Variants in ERICH3 observed in about 807,000 individuals in gnomAD.
The protein encoded by ERICH3 is glutamate rich 3, also known as glutamate-rich protein 3.
Under a neutral mutation model 131.1 loss-of-function variants are expected in ERICH3, and 126 were observed. That is an observed-to-expected ratio of 0.96 (90% CI 0.83 to 1.11). The LOEUF (loss-of-function observed/expected upper bound fraction) is 1.11, where lower values mean the gene tolerates loss of function less well. Among genes scored for constraint, ERICH3 ranks in the 50% most tolerant of loss-of-function variants. ERICH3 has a pLI of 0.00. For missense variants in ERICH3, 2,050 were observed against 1,810.7 expected, an observed-to-expected ratio of 1.13 and a Z score of -2.40; for synonymous variants, 695 against 644.6, an observed-to-expected ratio of 1.08 and a Z score of -1.18.
In ERICH3 at chr1:74,571,193, G is replaced by A; in HGVS notation, c.4517C>T (p.Thr1506Ile). 1 of 1,614,068 alleles carries A rather than the reference G, an allele frequency of 6.2e-7. No individual in the cohort carries two copies. The highest frequency in any genetic ancestry group is 8.5e-7 in the Non-Finnish European group (1 of 1,180,004). ...CACCATATGCTGTTGCTTCTCTCGGGTTTCAGTGAAATCAGGCTTCACTGG... is the reference window on the plus strand; with the variant it reads ...CACCATATGCTGTTGCTTCTCTCGGATTTCAGTGAAATCAGGCTTCACTGG... Reference protein sequence around the residue: ...TLPVKPDFTETREKQQHMVQG... With the variant: ...TLPVKPDFTEIREKQQHMVQG... Residue 1506 changes from threonine to isoleucine, a missense_variant, in exon 14 of 15, where the codon ACC (threonine) becomes ATC (isoleucine). Transcript: ENST00000326665.
At chr1:74,646,458 T>A (rs1273544433) in intron 3 of ERICH3, among the ~76,000 whole-genome samples, 2 of 152,098 alleles carry the variant, frequency 1.3e-5, no homozygotes, top group Non-Finnish European at 2.9e-5. Context: ...GGCTCCTGGC[T>A]ACCCAGAGAG....
chr1:74,582,192 T>C (rs778271447), intron 12 of ERICH3, among the ~76,000 whole-genome samples: 1 of 152,168 alleles, frequency 6.6e-6, no homozygotes, highest in Non-Finnish European at 1.5e-5. Context: ...GGCTTTTTAC[T>C]TCCTCACGGC....
intron 1 of ERICH3, among the ~76,000 whole-genome samples, chr1:74,665,539 C>A (rs1287837383): frequency 6.6e-6 from 1 of 152,156 alleles, no homozygotes; most frequent in Non-Finnish European, 1.5e-5. Context: ...AACAAGGCAT[C>A]AGGTAGCTCA....
At chr1:74,657,941 G>C (rs552228170) in intron 1 of ERICH3, among the ~76,000 whole-genome samples, 1 of 152,296 alleles carries the variant, frequency 6.6e-6, no homozygotes, top group African/African-American at 2.4e-5. Context: ...TCAGAGGAAA[G>C]GTGACCAGAA....
chr1:74,647,844 T>C (rs764659280), intron 2 of ERICH3, among the ~76,000 whole-genome samples: 3 of 152,166 alleles, frequency 2.0e-5, no homozygotes, highest in Non-Finnish European at 2.9e-5. Context: ...TGTAAATACA[T>C]TTTCCAATGG....
intron 8 of ERICH3, chr1:74,615,078 A>T (rs1353519032): frequency 6.6e-6 from 1 of 152,188 alleles, no homozygotes; most frequent in African/African-American, 2.4e-5. Context: ...TCGGATGCTC[A>T]TGTAGCTGGA....
At chr1:74,579,484 G>T in intron 12 of ERICH3, 1 of 985,330 alleles carries the variant, frequency 1.0e-6, no homozygotes, top group South Asian at 4.7e-5. Context: ...GCTTGCCCCT[G>T]GAGGATTAGC....
chr1:74,634,401 T>C (rs1303673354), intron 6 of ERICH3, among the ~76,000 whole-genome samples: 2 of 152,248 alleles, frequency 1.3e-5, no homozygotes, highest in Non-Finnish European at 2.9e-5. Context: ...TGTCAGCACA[T>C]GACAGCTACC....
intron 13 of ERICH3, among the ~76,000 whole-genome samples, chr1:74,574,998 A>T (rs536906398): frequency 6.6e-6 from 1 of 151,828 alleles, no homozygotes; most frequent in African/African-American, 2.4e-5. Flanking sequence ...TTAAAAAAAA[A>T]AAAACTTATA....
chr1:74,608,545 G>T (rs192393589), intron 9 of ERICH3, among the ~76,000 whole-genome samples: 1 of 152,000 alleles, frequency 6.6e-6, no homozygotes, highest in South Asian at 2.1e-4. Context: ...CATCTGCAGC[G>T]TAGAAATAGC....
intron 1 of ERICH3, among the ~76,000 whole-genome samples, chr1:74,665,373 A>G (rs1456609174): frequency 6.6e-6 from 1 of 152,172 alleles, no homozygotes; most frequent in Non-Finnish European, 1.5e-5. Context: ...AAATTGACTA[A>G]GACCCCCATG....
chr1:74,606,889 T>G lies in ERICH3; in HGVS notation c.1201A>C (p.Met401Leu), dbSNP rs752395005. The G allele has an allele frequency of 1.1e-5, 18 of 1,611,492 alleles. No individual in the cohort carries two copies. In the East Asian group the frequency reaches 4.0e-4, roughly 36 times the overall value. Residue 401 changes from methionine (M) to leucine (L), a missense_variant, in exon 10 of 15, where the codon ATG becomes CTG. Met to Leu is a conservative substitution (Grantham distance 15, BLOSUM62 2). Coordinates refer to ENST00000326665, the MANE Select transcript of ERICH3 (RefSeq NM_001002912.5). ...AAAGACGGTTTTTTGTCAAGGCCCA[T>G]TGCAATAATGCACCTATGAAAAATA... ...SSPCYKCIIA[M>L]GLDKKPSLPK... is the part of the protein sequence containing the mutation.
At chr1:74,653,816 T>G (rs1159467952) in intron 1 of ERICH3, among the ~76,000 whole-genome samples, 1 of 152,100 alleles carries the variant, frequency 6.6e-6, no homozygotes, top group Non-Finnish European at 1.5e-5. Context: ...CATCTCTCCC[T>G]GTACTACCCA....
intron 1 of ERICH3, among the ~76,000 whole-genome samples, chr1:74,671,538 C>A (rs1193343491): frequency 6.6e-6 from 1 of 152,176 alleles, no homozygotes; most frequent in Non-Finnish European, 1.5e-5. Context: ...CTCTTTATTT[C>A]TCAGCTGGCC....
chr1:74,619,344 A>G (rs535677854), intron 8 of ERICH3, among the ~76,000 whole-genome samples: 1 of 152,350 alleles, frequency 6.6e-6, no homozygotes, highest in Non-Finnish European at 1.5e-5. Flanking sequence ...TTTGTTGAAT[A>G]AAGTGTGATC....
intron 4 of ERICH3, 53 bp downstream of exon 4, chr1:74,642,974 T>G: frequency 7.3e-7 from 1 of 1,365,294 alleles, no homozygotes; most frequent in Non-Finnish European, 1.0e-6. Flanking sequence ...ACTGTTTTTT[T>G]TAAAATCATA....
Position 74,572,361 on chromosome 1 carries a change from CTT to C in ERICH3, c.3347_3348del (p.Lys1116SerfsTer5), listed in dbSNP as rs1557656268. The C allele has an allele frequency of 6.2e-7, 1 of 1,613,772 alleles. No individual in the cohort carries two copies. The highest frequency in any genetic ancestry group is 8.5e-7 in the Non-Finnish European group (1 of 1,179,992). On this transcript the variant is annotated frameshift_variant, in exon 14 of 15. Transcript: ENST00000326665. LOFTEE classifies it high-confidence loss of function. ...ETEVRAEEETKAPPNEMGSDA... is the reference protein window; with the variant it reads ...ETEVRAEEETXAPPNEMGSDA... ...TCAGATCCCATTTCATTTGGGGGAG[CTT>C]TTGTCTCTTCCTCAGCTCTTACTTC...
At position 74,612,730 on chromosome 1, in the gene ERICH3, G is replaced by C; in HGVS notation, c.1080C>G (p.Asn360Lys). The change falls in exon 9 of 15, where the codon AAC (asparagine) becomes AAG (lysine). Residue 360 changes from asparagine to lysine, a missense_variant. Transcript: ENST00000326665. ...TGTATTCACAACAGGAGCTTAACCT[G>C]TTCACCTGCATCCCATTCAGGAAAA... The part of the protein sequence containing the change: ...LTFFLNGMQV[N>K]RLSSCCEYKH... The C allele has an allele frequency of 1.2e-6, 2 of 1,605,968 alleles. No homozygotes were observed. Among genetic ancestry groups the C allele is most frequent in the South Asian group, 1.1e-5 (1 of 90,222 alleles).
At chr1:74,611,627 G>T (rs1252345584) in intron 9 of ERICH3, among the ~76,000 whole-genome samples, 2 of 152,148 alleles carry the variant, frequency 1.3e-5, no homozygotes, top group Non-Finnish European at 2.9e-5. Flanking sequence ...CCAATTTCAT[G>T]GTTCTATTCC....
Sources: gnomAD v4.1 joint callset for allele counts (sites outside exome capture counted in the v4.1 genomes callset) on GRCh38, gnomAD v4.1.1 for gene constraint, MANE v1.5 for transcripts, NCBI Gene and HGNC (gene_info 2026-07-23, HGNC 2026-07-21) for gene names.